TP53BP1: variants seen among roughly 807,000 people sequenced by gnomAD.
TP53BP1 encodes tumor protein p53 binding protein 1, also known as TP53-binding protein 1.
Under a neutral mutation model 200.8 loss-of-function variants are expected in TP53BP1, and 61 were observed. That is an observed-to-expected ratio of 0.30 (90% CI 0.25 to 0.38). TP53BP1 has a LOEUF of 0.38. Among genes scored for constraint, TP53BP1 ranks in the 10% least tolerant of loss-of-function variants. The probability of loss-of-function intolerance (pLI) is 1.00; values close to 1 mark genes in which losing one functional copy is unlikely to be tolerated. For missense variants in TP53BP1, 2,144 were observed against 2,371.9 expected (o/e 0.90, Z 2.00); for synonymous variants, 822 against 844.3 (o/e 0.97, Z 0.46).
At chr15:43,447,919 T>G (rs1231067343) in intron 12 of TP53BP1, among the ~76,000 whole-genome samples, 12 of 152,222 alleles carry the variant, frequency 7.9e-5, no homozygotes, top group Admixed American at 7.9e-4. Context: ...CTTAATAGTC[T>G]GTAGGATTCT....
chr15:43,440,335 C>T (rs2045896093), intron 15 of TP53BP1, among the ~76,000 whole-genome samples: 1 of 151,962 alleles, frequency 6.6e-6, no homozygotes, highest in Non-Finnish European at 1.5e-5. Flanking sequence ...CACGGTGAAA[C>T]CCCGTCTCCA....
At chr15:43,407,603 G>C in intron 27 of TP53BP1, 33 bp from the exon 28 acceptor site, 1 of 1,586,714 alleles carries the variant, frequency 6.3e-7, no homozygotes, top group Non-Finnish European at 8.6e-7. Context: ...AAGAAGGAAA[G>C]GACACTCAAC....
intron 1 of TP53BP1, among the ~76,000 whole-genome samples, chr15:43,503,995 T>C (rs558029161): frequency 6.6e-6 from 1 of 152,140 alleles, no homozygotes; most frequent in Non-Finnish European, 1.5e-5. Context: ...ATTTAATGCA[T>C]ACGGGAGGGC....
chr15:43,442,538 C>T (rs1469909960), intron 14 of TP53BP1, among the ~76,000 whole-genome samples: 1 of 151,632 alleles, frequency 6.6e-6, no homozygotes, highest in Admixed American at 6.6e-5. Flanking sequence ...TACTCCGTTG[C>T]CCAGGCTAGA....
chr15:43,455,205 C>T (rs983852074), intron 12 of TP53BP1, among the ~76,000 whole-genome samples: 4 of 152,012 alleles, frequency 2.6e-5, no homozygotes, highest in Admixed American at 1.3e-4. Context: ...GGATACTCAT[C>T]AACAGTTCTG....
chr15:43,457,368 T>G lies in TP53BP1; in HGVS notation c.1390-150A>C, dbSNP rs1488508435. 3 of 793,220 alleles carry G rather than the reference T, an allele frequency of 3.8e-6. No individual in the cohort carries two copies. In the African/African-American group the frequency reaches 5.3e-5, roughly 14 times the overall value. The allele number at this position is 793,220 out of a possible 1,614,324, so 49.1% of individuals were successfully genotyped here. ...AAAATTTCTAAATCAAATTTAAGAA[T>G]TAAAGAACTCTAGTATAGCCAGGAG... On this transcript the variant is annotated intron_variant, in intron 11 of 27. Transcript: ENST00000382044.
At chr15:43,415,929 G>A in intron 22 of TP53BP1, 120 bp from the exon 23 acceptor site, 1 of 847,648 alleles carries the variant, frequency 1.2e-6, no homozygotes, top group East Asian at 2.5e-5. Flanking sequence ...TTCCCATGAG[G>A]CCAAGAAGCT....
Position 43,479,482 on chromosome 15 carries a change from C to G in TP53BP1, c.703G>C (p.Glu235Gln), listed in dbSNP as rs2078931258. 6.2e-7 allele frequency: 1 copy of G among 1,613,780 alleles called. No individual in the cohort carries two copies. The highest frequency in any genetic ancestry group is 1.6e-4 in the Middle Eastern group (1 of 6,062). The change falls in exon 7 of 28, where the codon GAA becomes CAA. Residue 235 changes from glutamate (E) to glutamine (Q), a missense_variant. Physicochemically the swap from Glu to Gln is conservative, Grantham distance 29. Coordinates refer to ENST00000382044, the MANE Select transcript of TP53BP1 (RefSeq NM_001141980.3). ...EQSNEDIPIA[E>Q]QSSKDIPVTA... ...ACAGGGATGTCCTTGCTGGACTGTT[C>G]TGCTATGGGGATATCTTCGTTGGAC... is the stretch of plus-strand genomic sequence containing the variant.
chr15:43,416,026 C>A (rs1047681455), intron 22 of TP53BP1, among the ~76,000 whole-genome samples, 199 bp downstream of exon 22: 1 of 152,102 alleles, frequency 6.6e-6, no homozygotes, highest in African/African-American at 2.4e-5. Context: ...CCAGAAAAAC[C>A]CTAAGGACTT....
intron 26 of TP53BP1, 80 bp from the exon 27 acceptor site, chr15:43,408,168 A>T (rs1374029520): frequency 1.4e-6 from 2 of 1,390,912 alleles, no homozygotes; most frequent in Admixed American, 4.0e-5. Context: ...ACTCATGTAC[A>T]TCTGAATGCT....
chr15:43,421,629 A>T, intron 19 of TP53BP1: 2 of 622,356 alleles, frequency 3.2e-6, no homozygotes, highest in Non-Finnish European at 5.5e-6. Context: ...TGTTACCTAC[A>T]TTTTCTCAGG....
intron 4 of TP53BP1, among the ~76,000 whole-genome samples, chr15:43,483,534 A>T (rs544122): frequency 0.21 from 32,308 of 152,084 alleles, 5,240 homozygotes; most frequent in African/African-American, 0.45. Flanking sequence ...CTTCCTTGCA[A>T]CTTTCTACAC....
intron 27 of TP53BP1, 145 bp from the exon 28 acceptor site, chr15:43,407,715 C>T: frequency 1.2e-6 from 1 of 846,724 alleles, no homozygotes; most frequent in Non-Finnish European, 1.8e-6. Flanking sequence ...TGATCATGAC[C>T]AAAGGCAGAG....
At chr15:43,505,249 A>C (rs1160105108) in intron 1 of TP53BP1, among the ~76,000 whole-genome samples, 1 of 152,204 alleles carries the variant, frequency 6.6e-6, no homozygotes, top group African/African-American at 2.4e-5. Flanking sequence ...TTGGGGAAAA[A>C]AAAGATGCAA....
intron 18 of TP53BP1, among the ~76,000 whole-genome samples, chr15:43,427,017 C>CA (rs1230749433): frequency 0.051 from 3,439 of 67,306 alleles, 163 homozygotes; most frequent in African/African-American, 0.15. Flanking sequence ...GACTCTGCCT[C>CA]AAAAAAAAAA....
intron 21 of TP53BP1, 137 bp downstream of exon 21, chr15:43,420,168 A>T: frequency 1.2e-6 from 1 of 848,008 alleles, no homozygotes; most frequent in Non-Finnish European, 1.9e-6. Flanking sequence ...AAGAGTAACC[A>T]ATTTTGTAGG....
Position 43,480,009 on chromosome 15 carries a change from A to C in TP53BP1, c.508T>G (p.Ser170Ala). 6.2e-7 allele frequency: 1 copy of C among 1,614,088 alleles called. No individual in the cohort carries two copies. Among genetic ancestry groups the C allele is most frequent in the South Asian group, 1.1e-5 (1 of 91,082 alleles). The stretch of plus-strand genomic sequence containing the variant: ...AGAACCCCAAAACCCAACTGTGATG[A>C]GGCAGTATCTAGGAACAAAATGCCA... ...THSLGAEDTA[S>A]SQLGFGVLEL... Residue 170 changes from serine to alanine, a missense_variant, in exon 6 of 28, where the codon TCA becomes GCA. This residue lies in a region of TP53BP1 where 1,700 missense variants were observed against 1,710.3 expected (regional missense o/e 0.99). Coordinates refer to ENST00000382044, the MANE Select transcript of TP53BP1 (RefSeq NM_001141980.3).
chr15:43,407,117 C>T lies in TP53BP1; in HGVS notation c.*266G>A, dbSNP rs980513319. ...TCAATTTCCTTGGCCAGCTGTCCTC[C>T]GTAAGTGAATAAGCCTGTTGAAAGA... On this transcript the variant is annotated 3_prime_UTR_variant, in exon 28 of 28. Transcript: ENST00000382044. 2.7e-5 allele frequency: 10 copies of T among 376,402 alleles called. No individual in the cohort carries two copies. The highest frequency in any genetic ancestry group is 4.8e-5 in the East Asian group (1 of 20,854). 23.3% of individuals were successfully genotyped at this position (376,402 alleles called of 1,614,324 possible).
intron 17 of TP53BP1, among the ~76,000 whole-genome samples, chr15:43,429,555 T>G (rs2045625229): frequency 6.6e-6 from 1 of 151,722 alleles, no homozygotes; most frequent in Non-Finnish European, 1.5e-5. Context: ...ATTTTTTTCC[T>G]GACATGTGGT....
Sources: gnomAD v4.1 joint callset for allele counts (sites outside exome capture counted in the v4.1 genomes callset) on GRCh38, gnomAD v4.1.1 for gene constraint, gnomAD v4.1.1 regional missense constraint, MANE v1.5 for transcripts, NCBI Gene and HGNC (gene_info 2026-07-23, HGNC 2026-07-21) for gene names.